CCDC171: variants seen among roughly 807,000 people sequenced by gnomAD.
The protein encoded by CCDC171 is coiled-coil domain containing 171.
In CCDC171, 177 loss-of-function variants were observed where a neutral mutation model predicts 168.2. The observed-to-expected ratio is 1.05, with a 90% confidence interval of 0.93 to 1.19. The LOEUF (loss-of-function observed/expected upper bound fraction) is 1.19. CCDC171 is among the 50% of genes most tolerant of loss of function. CCDC171 has a pLI of 0.00. For missense variants in CCDC171, 1,991 were observed against 1,539.0 expected (o/e 1.29, Z -4.91); for synonymous variants, 687 against 540.8 (o/e 1.27, Z -3.75).
At chr9:16,000,713 G>A (rs376868782) in intron 3 of CCDC171, among the ~76,000 whole-genome samples, 2 of 145,190 alleles carry the variant, frequency 1.4e-5, no homozygotes, top group East Asian at 2.2e-4. Context: ...TGACCTTCTC[G>A]TTAATAAGAA....
intron 23 of CCDC171, among the ~76,000 whole-genome samples, chr9:15,856,551 C>A (rs1439176350): frequency 6.6e-6 from 1 of 151,896 alleles, no homozygotes; most frequent in Non-Finnish European, 1.5e-5. Flanking sequence ...CCTTTGAAAA[C>A]CTGAGTAATA....
chr9:15,901,889 T>G (rs1821718055), intron 24 of CCDC171, among the ~76,000 whole-genome samples: 1 of 152,190 alleles, frequency 6.6e-6, no homozygotes, highest in Admixed American at 6.5e-5. Flanking sequence ...AGTACAGTCT[T>G]TATAATAGTT....
At chr9:15,674,981 T>C (rs2049413989) in intron 9 of CCDC171, among the ~76,000 whole-genome samples, 1 of 152,076 alleles carries the variant, frequency 6.6e-6, no homozygotes, top group Non-Finnish European at 1.5e-5. Flanking sequence ...CCCATTATTA[T>C]TGTATGGGAG....
intron 25 of CCDC171, among the ~76,000 whole-genome samples, chr9:15,950,886 G>C (rs1473780271): frequency 1.3e-5 from 2 of 151,128 alleles, no homozygotes; most frequent in Admixed American, 6.6e-5. Context: ...GCCATCTCAC[G>C]TGCAGAGACA....
chr9:15,905,113 C>T (rs540747419), intron 24 of CCDC171, among the ~76,000 whole-genome samples: 6 of 152,274 alleles, frequency 3.9e-5, no homozygotes, highest in South Asian at 2.1e-4. Context: ...GACAGATCAA[C>T]GAGACAGAAA....
At chr9:15,697,800 C>T (rs1588020855) in intron 11 of CCDC171, among the ~76,000 whole-genome samples, 1 of 152,166 alleles carries the variant, frequency 6.6e-6, no homozygotes, top group East Asian at 1.9e-4. Context: ...GCTGACTCAT[C>T]AGGGTGGTGG....
At position 15,738,733 on chromosome 9, in the gene CCDC171, T is replaced by A. The variant is rs189359036; in HGVS notation, c.2050-5540T>A. Among the ~76,000 whole-genome samples the A allele has an allele frequency of 3.4e-3, 513 of 152,336 alleles. 3 individuals are homozygous for A. The highest frequency in any genetic ancestry group is 0.012 in the African/African-American group (502 of 41,564). ...ATAATGCAATACCTCTGAAAGTAGT[T>A]CCCTATGGAAAGTCAGAATTAATTT... On this transcript the variant is annotated intron_variant, in intron 16 of 25. Coordinates refer to ENST00000380701, the MANE Select transcript of CCDC171 (RefSeq NM_173550.4).
At chr9:15,588,280 G>T in intron 4 of CCDC171, 1 of 168,746 alleles carries the variant, frequency 5.9e-6, no homozygotes, top group Non-Finnish European at 1.3e-5. Flanking sequence ...AGGCAAGAAG[G>T]ACCCCCGGAC....
chr9:16,104,399 T>G, the CCDC171 span, among the ~76,000 whole-genome samples: 1 of 152,204 alleles, frequency 6.6e-6, no homozygotes, highest in South Asian at 2.1e-4. Flanking sequence ...CTCTCACCCC[T>G]CTATTTCTCC....
chr9:15,978,363 G>A (rs1244024423), downstream of CCDC171, among the ~76,000 whole-genome samples: 1 of 152,142 alleles, frequency 6.6e-6, no homozygotes, highest in Non-Finnish European at 1.5e-5. Context: ...AAGTGTTCAT[G>A]GGTCCAAGAG....
chr9:15,571,367 A>C (rs1175937112), intron 2 of CCDC171, among the ~76,000 whole-genome samples: 1 of 152,202 alleles, frequency 6.6e-6, no homozygotes, highest in Non-Finnish European at 1.5e-5. Context: ...AGACAATTTA[A>C]GTAGCAATCT....
intron 25 of CCDC171, among the ~76,000 whole-genome samples, chr9:15,952,876 C>A (rs1428655146): frequency 6.6e-6 from 1 of 152,058 alleles, no homozygotes; most frequent in Non-Finnish European, 1.5e-5. Flanking sequence ...TTGTAGTATC[C>A]ATTATACAAA....
intron 3 of CCDC171, among the ~76,000 whole-genome samples, chr9:15,578,339 A>G (rs190892845): frequency 1.1e-4 from 17 of 150,162 alleles, no homozygotes; most frequent in African/African-American, 3.4e-4. Flanking sequence ...GGCTCAAGCA[A>G]TCCTTCCATC....
intron 25 of CCDC171, among the ~76,000 whole-genome samples, chr9:15,960,201 T>C (rs1342427877): frequency 6.6e-6 from 1 of 152,188 alleles, no homozygotes; most frequent in East Asian, 1.9e-4. Flanking sequence ...ATTATGTGGT[T>C]TCATAGTATT....
At chr9:15,623,159 T>C in intron 6 of CCDC171, 108 bp from the exon 7 acceptor site, 1 of 678,762 alleles carries the variant, frequency 1.5e-6, no homozygotes. Context: ...ATTAACCTAT[T>C]ATTATAGTTG....
chr9:15,844,306 T>C (rs1472918224), intron 21 of CCDC171, among the ~76,000 whole-genome samples: 1 of 152,048 alleles, frequency 6.6e-6, no homozygotes, highest in Non-Finnish European at 1.5e-5. Flanking sequence ...TATAAATATA[T>C]ATGTGATGTG....
At chr9:15,793,857 A>G (rs551820035) in intron 21 of CCDC171, among the ~76,000 whole-genome samples, 1 of 152,220 alleles carries the variant, frequency 6.6e-6, no homozygotes, top group Admixed American at 6.5e-5. Flanking sequence ...ATATGCAGCC[A>G]CATTGCTGAA....
chr9:15,708,034 G>C (rs373508842), intron 11 of CCDC171, among the ~76,000 whole-genome samples: 10 of 152,146 alleles, frequency 6.6e-5, no homozygotes, highest in East Asian at 5.8e-4. Context: ...TTTTAGTAGA[G>C]ATGGGGTTTC....
intron 25 of CCDC171, among the ~76,000 whole-genome samples, chr9:15,951,505 A>C (rs1211048892): frequency 6.6e-6 from 1 of 150,380 alleles, no homozygotes; most frequent in Non-Finnish European, 1.5e-5. Flanking sequence ...TCCTGCCAAC[A>C]CTTGTGATTA....
Sources: gnomAD v4.1 joint callset for allele counts (sites outside exome capture counted in the v4.1 genomes callset) on GRCh38, gnomAD v4.1.1 for gene constraint, MANE v1.5 for transcripts, NCBI Gene and HGNC (gene_info 2026-07-23, HGNC 2026-07-21) for gene names.